The following ZNF76 variants were observed in gnomAD, a reference collection of about 807,000 sequenced individuals.
The protein encoded by ZNF76 is zinc finger protein 523.
In ZNF76, 66 loss-of-function variants were observed where a neutral mutation model predicts 66.9. The observed-to-expected ratio is 0.99, with a 90% CI of 0.81 to 1.21. ZNF76 has a LOEUF of 1.21. Ranked by LOEUF, ZNF76 falls within the 50% of genes most tolerant of loss-of-function variation. The probability of loss-of-function intolerance (pLI) is 0.00; values close to 1 mark genes in which losing one functional copy is unlikely to be tolerated. For missense variants in ZNF76, 729 were observed against 760.3 expected (o/e 0.96, Z 0.48); for synonymous variants, 275 against 296.1 (o/e 0.93, Z 0.73).
chr6:35,270,936 C>G (rs1786959791), intron 1 of ZNF76, among the ~76,000 whole-genome samples: 1 of 152,170 alleles, frequency 6.6e-6, no homozygotes. Context: ...GAGCCAAGAT[C>G]ACACCACTGC....
At chr6:35,267,573 G>A (rs1477604236) in intron 1 of ZNF76, among the ~76,000 whole-genome samples, 1 of 152,194 alleles carries the variant, frequency 6.6e-6, no homozygotes, top group Non-Finnish European at 1.5e-5. Context: ...TCCTTCATTC[G>A]CTGAAGTAAT....
At chr6:35,272,986 T>C (rs1401077076) in intron 1 of ZNF76, among the ~76,000 whole-genome samples, 1 of 152,036 alleles carries the variant, frequency 6.6e-6, no homozygotes, top group African/African-American at 2.4e-5. Flanking sequence ...AAACCCTGTC[T>C]GTACTAAAAA....
In ZNF76 at chr6:35,291,690, G is replaced by A. The variant is rs1790409852; in HGVS notation, c.884G>A (p.Gly295Asp). 4 of 1,612,888 alleles carry A rather than the reference G, an allele frequency of 2.5e-6. No homozygotes were observed. The highest frequency in any genetic ancestry group is 3.4e-6 in the Non-Finnish European group (4 of 1,179,976). ...YTCPEPHCGRGFTSATNYKNH... is the reference protein window; with the variant it reads ...YTCPEPHCGRDFTSATNYKNH... ...TGCCCGGAGCCCCACTGTGGCCGCG[G>A]CTTCACCAGCGCCACCAACTATAAG... Residue 295 changes from glycine to aspartate, a missense_variant, in exon 9 of 14, where the codon GGC becomes GAC. Transcript: ENST00000373953.
At chr6:35,294,840 C>T (rs1790954070) in intron 13 of ZNF76, 1 of 569,590 alleles carries the variant, frequency 1.8e-6, no homozygotes, top group Admixed American at 3.0e-5. Context: ...GTCTCTGTTT[C>T]TTCATCTGGA....
In ZNF76 at chr6:35,292,894, C is replaced by T. The variant is rs1562134047; in HGVS notation, c.1179C>T (p.Ala393=). The part of the protein sequence containing the change: ...EQQQLEAASA[A]EESPPPKRPR... Reference sequence around the variant, plus strand: ...CTCCTCTCCCAGCCGCCTCTGCAGCCGAGGAGAGTCCGCCACCCAAACGAC... The same window carrying T: ...CTCCTCTCCCAGCCGCCTCTGCAGCTGAGGAGAGTCCGCCACCCAAACGAC... The change falls in exon 11 of 14, where the codon GCC becomes GCT. Residue 393 remains alanine (A), a synonymous_variant. Transcript: ENST00000373953. The surrounding 1 kb of genome is among the most constrained non-coding windows in gnomAD (Gnocchi z 4.7). 5 of 1,614,164 alleles carry T rather than the reference C, an allele frequency of 3.1e-6. No homozygotes were observed. The highest frequency in any genetic ancestry group is 2.2e-5 in the East Asian group (1 of 44,884).
At chr6:35,263,132 T>G (rs934172068) in intron 1 of ZNF76, among the ~76,000 whole-genome samples, 1 of 152,208 alleles carries the variant, frequency 6.6e-6, no homozygotes, top group Admixed American at 6.5e-5. Flanking sequence ...TCCACCAAAC[T>G]TCATCAGTCT....
At chr6:35,291,449 G>A (rs752141574) in intron 8 of ZNF76, 46 bp downstream of exon 8, 11 of 1,613,344 alleles carry the variant, frequency 6.8e-6, no homozygotes, top group Non-Finnish European at 5.9e-6. Context: ...TGGGCAAAAG[G>A]AATTCAGCTT....
At chr6:35,277,637 G>A (rs1788110340) in intron 1 of ZNF76, among the ~76,000 whole-genome samples, 1 of 152,200 alleles carries the variant, frequency 6.6e-6, no homozygotes, top group African/African-American at 2.4e-5. Flanking sequence ...GCATTTGATT[G>A]TAGGATTGTT....
At chr6:35,290,481 T>C in intron 6 of ZNF76, 99 bp downstream of exon 6, 1 of 1,555,490 alleles carries the variant, frequency 6.4e-7, no homozygotes, top group Non-Finnish European at 8.8e-7. Flanking sequence ...TGCCCTCACG[T>C]TGCTGGAGGG....
chr6:35,284,614 T>C (rs1195839890), intron 2 of ZNF76, among the ~76,000 whole-genome samples: 1 of 152,154 alleles, frequency 6.6e-6, no homozygotes, highest in Non-Finnish European at 1.5e-5. Flanking sequence ...TTGGTTAGGC[T>C]GGTCTCAAAC....
intron 7 of ZNF76, 108 bp downstream of exon 7, chr6:35,290,824 C>T (rs376039452): frequency 9.7e-6 from 10 of 1,033,744 alleles, no homozygotes; most frequent in South Asian, 5.6e-5. Flanking sequence ...GAGAAACTAC[C>T]GTCAGAGTAC....
chr6:35,267,616 A>G (rs367632085), intron 1 of ZNF76, among the ~76,000 whole-genome samples: 27 of 152,232 alleles, frequency 1.8e-4, no homozygotes, highest in African/African-American at 6.3e-4. Context: ...GGTGGGCACT[A>G]TGTCACATGA....
At position 35,291,549 on chromosome 6, in the gene ZNF76, T is replaced by C; in HGVS notation, c.752-9T>C. ...CCACACCCCTCCTCACATCCCACCA[T>C]TTGCATAGGTGAACGCCCGTTCCAG... On this transcript the variant is annotated splice_polypyrimidine_tract_variant and intron_variant, in intron 8 of 13. Coordinates refer to ENST00000373953, the MANE Select transcript of ZNF76 (RefSeq NM_003427.5). 1 of 1,610,352 alleles carries C rather than the reference T, an allele frequency of 6.2e-7. No homozygotes were observed. The highest frequency in any genetic ancestry group is 8.5e-7 in the Non-Finnish European group (1 of 1,176,848).
At chr6:35,274,838 C>T (rs1023403387) in intron 1 of ZNF76, among the ~76,000 whole-genome samples, 3 of 152,130 alleles carry the variant, frequency 2.0e-5, no homozygotes, top group East Asian at 1.9e-4. Flanking sequence ...TGCATCAGGA[C>T]CAGTAATGGG....
intron 5 of ZNF76, chr6:35,288,365 AG>A: frequency 2.8e-6 from 1 of 352,512 alleles, no homozygotes; most frequent in South Asian, 2.1e-5. Context: ...AGGCCCACAC[AG>A]TAGCTCAGCT....
Position 35,294,548 on chromosome 6 carries a change from C to A in ZNF76, c.1587C>A (p.Asn529Lys). ...HQQVALLATA[N>K]GTHIAVQLEE... ...AGGTGGCACTGTTGGCCACAGCCAA[C>A]GGAACGCACATTGCAGTGCAGGTGA... Residue 529 changes from asparagine to lysine, a missense_variant, in exon 13 of 14, where the codon AAC becomes AAA. Coordinates refer to ENST00000373953, the MANE Select transcript of ZNF76 (RefSeq NM_003427.5). 2 of 1,613,486 alleles carry A rather than the reference C, an allele frequency of 1.2e-6. No homozygotes were observed. The highest frequency in any genetic ancestry group is 1.3e-5 in the African/African-American group (1 of 74,972).
At chr6:35,281,883 C>T (rs1788817773) in intron 2 of ZNF76, among the ~76,000 whole-genome samples, 1 of 149,098 alleles carries the variant, frequency 6.7e-6, no homozygotes, top group Non-Finnish European at 1.5e-5. Context: ...GTTCAGTGAA[C>T]TATCACTGCA....
At chr6:35,262,352 T>TCA (rs1785375902) in intron 1 of ZNF76, among the ~76,000 whole-genome samples, 4 of 152,224 alleles carry the variant, frequency 2.6e-5, no homozygotes, top group African/African-American at 9.6e-5. Flanking sequence ...TCAGAGAAAG[T>TCA]GAGAGTGACC....
intron 1 of ZNF76, among the ~76,000 whole-genome samples, chr6:35,278,745 T>G (rs1582106560): frequency 6.6e-6 from 1 of 152,176 alleles, no homozygotes; most frequent in South Asian, 2.1e-4. Context: ...AGTGTTGGGG[T>G]CCACTGCTAG....
Sources: allele counts gnomAD v4.1 joint callset (sites outside exome capture counted in the v4.1 genomes callset), GRCh38; gene constraint gnomAD v4.1.1; non-coding constraint Gnocchi (gnomAD v3.1); transcripts MANE v1.5; gene names NCBI Gene and HGNC (gene_info 2026-07-23, HGNC 2026-07-21).